RNF128: variants seen among roughly 807,000 people sequenced by gnomAD.
RNF128 encodes the protein E3 ubiquitin-protein ligase RNF128.
A neutral mutation model predicts 26.2 loss-of-function variants in RNF128; 13 were observed. The observed-to-expected ratio is 0.50, with a 90% confidence interval of 0.32 to 0.79. The LOEUF (loss-of-function observed/expected upper bound fraction) is 0.79, where lower values mean the gene tolerates loss of function less well. Ranked by LOEUF, RNF128 falls within the 30% of genes least tolerant of loss-of-function variation. The pLI, the probability that RNF128 is intolerant of heterozygous loss-of-function variation, is 0.03. For missense variants in RNF128, 315 were observed against 349.7 expected, an observed-to-expected ratio of 0.90 and a Z score of 0.79; for synonymous variants, 149 against 142.5, an observed-to-expected ratio of 1.05 and a Z score of -0.32.
intron 1 of RNF128, among the ~76,000 whole-genome samples, chrX:106,715,568 G>C (rs1488458119): frequency 9.0e-6 from 1 of 111,417 alleles, no homozygotes; most frequent in Non-Finnish European, 1.9e-5. Context: ...TGGAGGACTA[G>C]GAAAATAGGA....
chrX:106,726,895 A>G lies in RNF128; in HGVS notation c.-19A>G. On this transcript the variant is annotated 5_prime_UTR_variant, in exon 1 of 7. Coordinates refer to ENST00000255499, the MANE Select transcript of RNF128 (RefSeq NM_194463.2). ...GGGCGCGTGCCAGGGGCGCTAGGGA[A>G]CTGCGGAGCGCGCGCGCCATGGGGC... The G allele has an allele frequency of 5.2e-6, 6 of 1,156,801 alleles. No homozygotes were observed. The highest frequency in any genetic ancestry group is 6.9e-6 in the Non-Finnish European group (6 of 869,929).
At chrX:106,741,108 T>C (rs1929694088) in intron 1 of RNF128, among the ~76,000 whole-genome samples, 2 of 111,827 alleles carry the variant, frequency 1.8e-5, no homozygotes, top group South Asian at 7.4e-4. Flanking sequence ...ATAGAAAACA[T>C]TGGCATAAAA....
chrX:106,747,134 A>G (rs1430542794), intron 1 of RNF128, among the ~76,000 whole-genome samples: 1 of 112,070 alleles, frequency 8.9e-6, no homozygotes, highest in African/African-American at 3.2e-5. Context: ...TTTATGAGTA[A>G]ATCCTTGATT....
chrX:106,719,396 C>T (rs1412396033), intron 1 of RNF128, among the ~76,000 whole-genome samples: 1 of 111,393 alleles, frequency 9.0e-6, no homozygotes, highest in East Asian at 2.8e-4. Context: ...AATTTTTGTA[C>T]TTTTAGTAGA....
intron 1 of RNF128, among the ~76,000 whole-genome samples, chrX:106,741,472 G>A (rs1305729766): frequency 8.9e-6 from 1 of 111,874 alleles, no homozygotes; most frequent in Non-Finnish European, 1.9e-5. Flanking sequence ...ATGCAGCTCT[G>A]GAAGTATGGT....
rs777562783 is a variant in RNF128 at position 106,708,130 on chromosome X, T to C, written c.406+13722T>C. Among the ~76,000 whole-genome samples, 83 of 112,001 alleles carry C rather than the reference T, an allele frequency of 7.4e-4. 1 individual carries two copies. Among genetic ancestry groups the C allele is most frequent in the South Asian group, 3.7e-4 (1 of 2,672 alleles). ...TTTAAGTGTGATAACACCAGAAAGA[T>C]TGGGGTTCCTCGGCTTGATGACACC... is the stretch of plus-strand genomic sequence containing the variant. On this transcript the variant is annotated intron_variant, in intron 1 of 6. Transcript: ENST00000324342.
chrX:106,778,815 T>G (rs2147698092), intron 2 of RNF128, among the ~76,000 whole-genome samples: 1 of 112,275 alleles, frequency 8.9e-6, no homozygotes. Flanking sequence ...ATTAATATTT[T>G]AAAATCTGTC....
intron 2 of RNF128, among the ~76,000 whole-genome samples, chrX:106,776,043 A>G (rs961042941): frequency 4.4e-5 from 5 of 112,562 alleles, no homozygotes; most frequent in African/African-American, 1.3e-4. Context: ...AGAACAAAAA[A>G]GTATCAATGG....
At chrX:106,760,407 G>T (rs1302357954) in intron 1 of RNF128, among the ~76,000 whole-genome samples, 2 of 111,222 alleles carry the variant, frequency 1.8e-5, no homozygotes, top group Non-Finnish European at 3.8e-5. Flanking sequence ...CAATCATCAG[G>T]AAAATGCAAA....
chrX:106,789,646 GAA>G (rs1186005877), intron 4 of RNF128, among the ~76,000 whole-genome samples: 5 of 105,423 alleles, frequency 4.7e-5, no homozygotes, highest in Non-Finnish European at 7.8e-5. Flanking sequence ...AATCCATCAA[GAA>G]AAAAATAAAA....
At chrX:106,770,054 A>G (rs928987655) in intron 1 of RNF128, among the ~76,000 whole-genome samples, 8 of 110,145 alleles carry the variant, frequency 7.3e-5, no homozygotes, top group African/African-American at 2.6e-4. Context: ...AAATTCTTTA[A>G]GAATGTTGAA....
At chrX:106,719,201 T>TA (rs1269339937) in intron 1 of RNF128, among the ~76,000 whole-genome samples, 196 of 94,140 alleles carry the variant, frequency 2.1e-3, no homozygotes, top group Non-Finnish European at 3.1e-3. Context: ...GCCTGTAGAT[T>TA]AAAAAAAAAA....
Position 106,796,439 on chromosome X carries a change from C to A in RNF128, c.*726C>A, listed in dbSNP as rs1365392304. 2 of 111,249 alleles carry A rather than the reference C, an allele frequency of 1.8e-5. No homozygotes were observed. The highest frequency in any genetic ancestry group is 3.8e-5 in the Non-Finnish European group (2 of 52,882). The allele number at this position is 111,249 out of a possible 1,213,427, so 9.2% of individuals were successfully genotyped here. On this transcript the variant is annotated 3_prime_UTR_variant, in exon 7 of 7. Transcript: ENST00000255499. Reference sequence around the variant, plus strand: ...AAACTTGTGGGATTTTTCAAAAGCTCAGTATATGAATCATCATACTGTTTG... The same window carrying A: ...AAACTTGTGGGATTTTTCAAAAGCTAAGTATATGAATCATCATACTGTTTG...
intron 2 of RNF128, among the ~76,000 whole-genome samples, chrX:106,784,334 C>T (rs969773256): frequency 9.0e-6 from 1 of 111,120 alleles, no homozygotes; most frequent in Non-Finnish European, 1.9e-5. Flanking sequence ...TAGATTCTTC[C>T]CACACCCCAA....
chrX:106,770,153 C>G (rs1277260492), intron 1 of RNF128, among the ~76,000 whole-genome samples: 1 of 111,774 alleles, frequency 8.9e-6, no homozygotes, highest in Admixed American at 9.5e-5. Flanking sequence ...GGTAACCCGA[C>G]CTTTCTCTCT....
chrX:106,726,751 G>A lies in RNF128; in HGVS notation c.-163G>A, dbSNP rs780353543. The stretch of plus-strand genomic sequence containing the variant: ...CGAGGAGCTGCATCTGCGGCAACCT[G>A]TGTGCTGACGCTACGTGCCTCCTGG... On this transcript the variant is annotated 5_prime_UTR_variant, in exon 1 of 7. In the 5' UTR this introduces an upstream ATG that the reference lacks. Transcript: ENST00000255499. 11 of 1,058,527 alleles carry A rather than the reference G, an allele frequency of 1.0e-5. No individual in the cohort carries two copies. The South Asian group carries it at 2.0e-4, about 19-fold the overall frequency. The allele number at this position is 1,058,527 out of a possible 1,213,427, so 87.2% of individuals were successfully genotyped here.
At chrX:106,784,672 T>C (rs983771540) in intron 2 of RNF128, among the ~76,000 whole-genome samples, 1 of 111,591 alleles carries the variant, frequency 9.0e-6, no homozygotes, top group Non-Finnish European at 1.9e-5. Flanking sequence ...TCCTATGCAC[T>C]TTCCACCAAA....
chrX:106,710,600 T>C (rs944892266), intron 1 of RNF128, among the ~76,000 whole-genome samples: 2 of 109,243 alleles, frequency 1.8e-5, no homozygotes, highest in Non-Finnish European at 3.8e-5. Context: ...TCTACTAAAA[T>C]ACAAAAATTA....
intron 1 of RNF128, among the ~76,000 whole-genome samples, chrX:106,729,763 A>G (rs954845383): frequency 3.6e-5 from 4 of 111,730 alleles, no homozygotes; most frequent in African/African-American, 1.3e-4. Context: ...TGGAAAAACT[A>G]TTTTTCAATA....
Sources: gnomAD v4.1 joint callset for allele counts (sites outside exome capture counted in the v4.1 genomes callset) on GRCh38, gnomAD v4.1.1 for gene constraint, MANE v1.5 for transcripts, NCBI Gene and HGNC (gene_info 2026-07-23, HGNC 2026-07-21) for gene names.